MET: variants seen among roughly 807,000 people sequenced by gnomAD.
MET encodes the protein hepatocyte growth factor receptor.
In MET, 48 loss-of-function variants were observed where a neutral mutation model predicts 133.1. The observed-to-expected ratio is 0.36, with a 90% CI of 0.29 to 0.46. The LOEUF is 0.46. Among genes scored for constraint, MET ranks in the 20% least tolerant of loss-of-function variants. The probability of loss-of-function intolerance (pLI) is 1.00; values close to 1 mark genes in which losing one functional copy is unlikely to be tolerated. For synonymous variants in MET, 628 were observed against 616.5 expected (o/e 1.02, Z -0.28); for missense variants, 1,442 against 1,695.9 (o/e 0.85, Z 2.63).
At chr7:116,781,150 C>T (rs1795142945) in intron 17 of MET, among the ~76,000 whole-genome samples, 1 of 152,128 alleles carries the variant, frequency 6.6e-6, no homozygotes, top group South Asian at 2.1e-4. Context: ...CTGAAATACT[C>T]CAGATTGGCC....
intron 5 of MET, among the ~76,000 whole-genome samples, chr7:116,747,620 G>A (rs942981328): frequency 6.6e-5 from 10 of 152,222 alleles, no homozygotes; most frequent in East Asian, 3.9e-4. Context: ...ACCCAGATTC[G>A]TAAAGCAAGT....
At chr7:116,734,481 T>C (rs1158565250) in intron 3 of MET, among the ~76,000 whole-genome samples, 1 of 152,230 alleles carries the variant, frequency 6.6e-6, no homozygotes, top group African/African-American at 2.4e-5. Context: ...TTATATTGTT[T>C]AGCTAACAAC....
chr7:116,790,494 T>A (rs1428885379), intron 19 of MET, among the ~76,000 whole-genome samples: 5 of 152,252 alleles, frequency 3.3e-5, no homozygotes, highest in Admixed American at 1.3e-4. Flanking sequence ...TGCCACATTT[T>A]CTTTATCCAT....
In MET at chr7:116,797,732, C is replaced by G. The variant is rs565728956; in HGVS notation, c.*1608C>G. The stretch of plus-strand genomic sequence containing the variant: ...AGGTATGTCAGACTGGGATTAATGA[C>G]AGCATGATTTTCAATGACTGTAAAT... On this transcript the variant is annotated 3_prime_UTR_variant, in exon 21 of 21. Coordinates refer to ENST00000397752, the MANE Select transcript of MET (RefSeq NM_000245.4). 6 of 228,172 alleles carry G rather than the reference C, an allele frequency of 2.6e-5. No homozygotes were observed. In the South Asian group the frequency reaches 1.1e-3, roughly 42 times the overall value. 14.1% of individuals were successfully genotyped at this position (228,172 alleles called of 1,614,324 possible).
intron 19 of MET, among the ~76,000 whole-genome samples, chr7:116,783,878 G>A (rs950741227): frequency 2.0e-5 from 3 of 152,244 alleles, no homozygotes; most frequent in African/African-American, 7.2e-5. Context: ...AGGCAGTCTA[G>A]CAGTGAGGGC....
intron 2 of MET, among the ~76,000 whole-genome samples, chr7:116,718,141 C>G (rs948244961): frequency 6.6e-6 from 1 of 152,170 alleles, no homozygotes. Context: ...GTAATCCCAG[C>G]ACTTTGGGAA....
At chr7:116,783,827 G>A (rs981303623) in intron 19 of MET, among the ~76,000 whole-genome samples, 4 of 152,326 alleles carry the variant, frequency 2.6e-5, no homozygotes, top group Middle Eastern at 3.4e-3. Context: ...AGCCCCAGGC[G>A]AGCAAGAATT....
intron 11 of MET, among the ~76,000 whole-genome samples, chr7:116,769,300 G>A (rs1473194512): frequency 6.6e-6 from 1 of 152,302 alleles, no homozygotes; most frequent in Non-Finnish European, 1.5e-5. Context: ...TCTACATTGC[G>A]TCTTTTTTGC....
At chr7:116,690,177 GATA>G (rs908894472) in intron 1 of MET, among the ~76,000 whole-genome samples, 1 of 152,124 alleles carries the variant, frequency 6.6e-6, no homozygotes, top group Non-Finnish European at 1.5e-5. Context: ...CACAAGTTAG[GATA>G]ATAAGCATAG....
At chr7:116,708,309 T>C (rs908991222) in intron 2 of MET, among the ~76,000 whole-genome samples, 2 of 152,178 alleles carry the variant, frequency 1.3e-5, no homozygotes, top group African/African-American at 4.8e-5. Flanking sequence ...AAAAAAGCAA[T>C]ACGTCTTTAG....
intron 12 of MET, 91 bp downstream of exon 12, chr7:116,769,882 T>G: frequency 1.3e-6 from 2 of 1,575,368 alleles, no homozygotes; most frequent in Non-Finnish European, 8.7e-7. Context: ...TAAAGCTCAT[T>G]TATGTGTGGG....
chr7:116,734,622 G>A (rs539453317), intron 3 of MET, among the ~76,000 whole-genome samples: 2 of 152,208 alleles, frequency 1.3e-5, no homozygotes, highest in African/African-American at 4.8e-5. Context: ...AATATCTGCA[G>A]AGCCATGTCA....
At chr7:116,768,064 A>G (rs1224597864) in intron 11 of MET, among the ~76,000 whole-genome samples, 3 of 151,402 alleles carry the variant, frequency 2.0e-5, no homozygotes, top group Admixed American at 6.6e-5. Flanking sequence ...AGTTGCTTAT[A>G]TAAGTCACTA....
chr7:116,766,338 C>CAGGAAGA (rs772380192), intron 11 of MET, among the ~76,000 whole-genome samples: 5 of 152,108 alleles, frequency 3.3e-5, no homozygotes, highest in Non-Finnish European at 7.3e-5. Flanking sequence ...AAAAGAAGCA[C>CAGGAAGA]AGGAAGATGA....
intron 11 of MET, among the ~76,000 whole-genome samples, chr7:116,765,859 A>G (rs1169704975): frequency 6.6e-6 from 1 of 152,176 alleles, no homozygotes. Context: ...GTTTAGGAAG[A>G]TTAGCTGATT....
chr7:116,741,190 A>C, intron 5 of MET, 165 bp downstream of exon 5: 1 of 796,222 alleles, frequency 1.3e-6, no homozygotes, highest in Non-Finnish European at 2.0e-6. Context: ...CTAAAGCACC[A>C]TCTCTCTCTT....
At chr7:116,788,409 A>G (rs1795381415) in intron 19 of MET, among the ~76,000 whole-genome samples, 1 of 152,182 alleles carries the variant, frequency 6.6e-6, no homozygotes, top group Admixed American at 6.6e-5. Flanking sequence ...GAAATTTTGG[A>G]TGTTTAGGGC....
At chr7:116,758,362 G>C (rs1345522425) in intron 8 of MET, 97 bp from the exon 9 acceptor site, 1 of 1,280,966 alleles carries the variant, frequency 7.8e-7, no homozygotes, top group Non-Finnish European at 1.1e-6. Context: ...TCCCACTTAG[G>C]AACCATTGAG....
At chr7:116,793,333 C>A (rs1165606252) in intron 19 of MET, among the ~76,000 whole-genome samples, 3 of 151,996 alleles carry the variant, frequency 2.0e-5, no homozygotes, top group Non-Finnish European at 4.4e-5. Flanking sequence ...CACCACCATG[C>A]CTGGCTAATT....
Sources: gnomAD v4.1 joint callset for allele counts (sites outside exome capture counted in the v4.1 genomes callset) on GRCh38, gnomAD v4.1.1 for gene constraint, MANE v1.5 for transcripts, NCBI Gene and HGNC (gene_info 2026-07-23, HGNC 2026-07-21) for gene names.